PCDHGA2: variants seen among roughly 807,000 people sequenced by gnomAD.
The protein encoded by PCDHGA2 is protocadherin gamma subfamily A, 2.
A neutral mutation model predicts 59.2 loss-of-function variants in PCDHGA2; 40 were observed. The observed-to-expected ratio is 0.68, with a 90% CI of 0.52 to 0.88. PCDHGA2 has a LOEUF of 0.88. PCDHGA2 is among the 40% of genes least tolerant of loss of function. The probability of loss-of-function intolerance (pLI) is 0.00; values close to 1 mark genes in which losing one functional copy is unlikely to be tolerated. For synonymous variants in PCDHGA2, 560 were observed against 526.0 expected (o/e 1.06, Z -0.89); for missense variants, 1,226 against 1,204.0 (o/e 1.02, Z -0.27).
intron 1 of PCDHGA2, chr5:141,411,189 T>G (rs1222862554): frequency 6.6e-6 from 1 of 152,208 alleles, no homozygotes; most frequent in Non-Finnish European, 1.5e-5. Context: ...TCTTGGCATC[T>G]AAGAAAACAA....
At chr5:141,421,675 G>A in intron 1 of PCDHGA2, 2 of 1,613,910 alleles carry the variant, frequency 1.2e-6, no homozygotes, top group Non-Finnish European at 1.7e-6. Context: ...CGCAATTCCT[G>A]GGGCGCGATT....
intron 1 of PCDHGA2, chr5:141,371,894 G>C (rs1346040727): frequency 2.5e-6 from 4 of 1,613,426 alleles, no homozygotes; most frequent in Non-Finnish European, 3.4e-6. Flanking sequence ...AGCCGCGGGA[G>C]CTGTCGTCCT....
At chr5:141,400,089 C>T (rs200160561) in intron 1 of PCDHGA2, 568 of 1,613,960 alleles carry the variant, frequency 3.5e-4, no homozygotes, top group Non-Finnish European at 4.6e-4. Flanking sequence ...CCGCCACCGC[C>T]ACGCTGCACT....
At chr5:141,409,988 GCCGACT>G in intron 1 of PCDHGA2, 1 of 1,613,278 alleles carries the variant, frequency 6.2e-7, no homozygotes, top group East Asian at 2.2e-5. Context: ...AGCGGTGGAC[GCCGACT>G]CGGGACACAA....
chr5:141,470,021 C>T (rs111919483), intron 1 of PCDHGA2, among the ~76,000 whole-genome samples: 8 of 152,156 alleles, frequency 5.3e-5, no homozygotes, highest in African/African-American at 1.9e-4. Flanking sequence ...CCCAGCTACT[C>T]GGGATGCTGA....
intron 3 of PCDHGA2, 87 bp from the exon 4 acceptor site, chr5:141,510,854 TGTATAG>T: frequency 6.2e-7 from 1 of 1,602,320 alleles, no homozygotes; most frequent in Non-Finnish European, 8.5e-7. Flanking sequence ...CCCAGGGTGC[TGTATAG>T]GCATTCATTA....
At chr5:141,345,430 C>T (rs1187781707) in intron 1 of PCDHGA2, 2 of 1,614,044 alleles carry the variant, frequency 1.2e-6, no homozygotes, top group Non-Finnish European at 1.7e-6. Flanking sequence ...GAAAACAACC[C>T]CAGAGGAGCC....
intron 1 of PCDHGA2, chr5:141,356,934 AC>A (rs1375137728): frequency 1.2e-6 from 2 of 1,613,894 alleles, no homozygotes; most frequent in African/African-American, 2.7e-5. Context: ...TGGAGCTGGC[AC>A]CCCGCTCCGC....
chr5:141,510,847 AG>A, intron 3 of PCDHGA2, 99 bp from the exon 4 acceptor site: 3 of 1,595,350 alleles, frequency 1.9e-6, no homozygotes, highest in Non-Finnish European at 2.6e-6. Context: ...GTCAAGGCCC[AG>A]GGTGCTGTAT....
At chr5:141,417,117 C>A (rs1199474234) in intron 1 of PCDHGA2, 3 of 151,748 alleles carry the variant, frequency 2.0e-5, no homozygotes, top group Non-Finnish European at 4.4e-5. Context: ...TACAGGACAC[C>A]CTGGATGATG....
At chr5:141,346,347 C>T (rs1757738050) in intron 1 of PCDHGA2, 1 of 1,614,138 alleles carries the variant, frequency 6.2e-7, no homozygotes, top group Admixed American at 1.7e-5. Context: ...GATTTTCCCC[C>T]AGCCCAACTA....
intron 2 of PCDHGA2, among the ~76,000 whole-genome samples, chr5:141,497,483 C>T (rs1039341023): frequency 6.6e-6 from 1 of 150,378 alleles, no homozygotes; most frequent in Non-Finnish European, 1.5e-5. Context: ...AGGTGCGGAA[C>T]CTCTCTCTCT....
At position 141,339,671 on chromosome 5, in the gene PCDHGA2, G is replaced by A. The variant is rs1343893770; in HGVS notation, c.700G>A (p.Asp234Asn). The A allele has an allele frequency of 6.2e-7, 1 of 1,614,062 alleles. No homozygotes were observed. Residue 234 changes from aspartate to asparagine, a missense_variant, in exon 1 of 4, where the codon GAT becomes AAT. Asp to Asn is a conservative substitution (Grantham distance 23). Coordinates refer to ENST00000394576, the MANE Select transcript of PCDHGA2 (RefSeq NM_018915.4). ...GTSRICVKVLDANDNAPVFTQ... is the reference protein window; with the variant it reads ...GTSRICVKVLNANDNAPVFTQ... ...CTCCCGCATCTGCGTGAAGGTCCTG[G>A]ATGCGAACGACAATGCGCCTGTTTT...
At position 141,477,550 on chromosome 5, in the gene PCDHGA2, C is replaced by T. The variant is rs1262360790; in HGVS notation, c.2425-17257C>T. The T allele has an allele frequency of 4.3e-6, 7 of 1,614,178 alleles. No homozygotes were observed. The highest frequency in any genetic ancestry group is 5.9e-6 in the Non-Finnish European group (7 of 1,180,036). On this transcript the variant is annotated intron_variant, in intron 1 of 3. Transcript: ENST00000394576. This position sits in a 1 kb window ranked among gnomAD's most constrained non-coding sequence, Gnocchi z 4.9. ...ACCTCCCCGGGGCTCCAATACTAAACCTAAGTGTCTGGGACCCCGACGCCC... is the reference window on the plus strand; with the variant it reads ...ACCTCCCCGGGGCTCCAATACTAAATCTAAGTGTCTGGGACCCCGACGCCC...
Position 141,486,886 on chromosome 5 carries a change from G to A in PCDHGA2, c.2425-7921G>A. The A allele has an allele frequency of 1.9e-6, 3 of 1,614,222 alleles. No individual in the cohort carries two copies. The highest frequency in any genetic ancestry group is 2.5e-6 in the Non-Finnish European group (3 of 1,180,044). ...CAGCTGTGCTCCGTCCTCGGGCCCGGCCTGGTTCCTTATGTCCCCAAGCAC... is the reference window on the plus strand; with the variant it reads ...CAGCTGTGCTCCGTCCTCGGGCCCGACCTGGTTCCTTATGTCCCCAAGCAC... On this transcript the variant is annotated intron_variant, in intron 1 of 3. Coordinates refer to ENST00000394576, the MANE Select transcript of PCDHGA2 (RefSeq NM_018915.4). This position sits in a 1 kb window ranked among gnomAD's most constrained non-coding sequence, Gnocchi z 5.0.
intron 1 of PCDHGA2, among the ~76,000 whole-genome samples, chr5:141,458,339 T>A (rs1380637284): frequency 2.0e-5 from 3 of 150,846 alleles, no homozygotes; most frequent in Non-Finnish European, 3.0e-5. Context: ...TTTTAAGGAG[T>A]GGAGAGTTTA....
rs567522277 is a variant in PCDHGA2, at chr5:141,485,131, A to G, written c.2425-9676A>G. 1.3e-6 allele frequency: 2 copies of G among 1,482,660 alleles called. No individual in the cohort carries two copies. The highest frequency in any genetic ancestry group is 1.2e-5 in the South Asian group (1 of 83,730). 91.8% of individuals were successfully genotyped at this position (1,482,660 alleles called of 1,614,324 possible). ...TGGCTGTTTGGGGCGGGTCGGCTTC[A>G]TCCGCGTCTCAGGAGCAAGTAGAGA... On this transcript the variant is annotated intron_variant, in intron 1 of 3. Transcript: ENST00000394576. The surrounding 1 kb of genome is among the most constrained non-coding windows in gnomAD (Gnocchi z 5.7).
At chr5:141,393,504 A>G (rs369406530) in intron 1 of PCDHGA2, 1 of 1,614,036 alleles carries the variant, frequency 6.2e-7, no homozygotes, top group African/African-American at 1.3e-5. Flanking sequence ...CATCCACGTG[A>G]CAGTGTTGGA....
At chr5:141,389,172 C>G (rs1276294939) in intron 1 of PCDHGA2, 1 of 1,614,036 alleles carries the variant, frequency 6.2e-7, no homozygotes, top group Non-Finnish European at 8.5e-7. Flanking sequence ...CAAGCCTCCC[C>G]TCTCCTCCAG....
Sources: allele counts gnomAD v4.1 joint callset (sites outside exome capture counted in the v4.1 genomes callset), GRCh38; gene constraint gnomAD v4.1.1; non-coding constraint Gnocchi (gnomAD v3.1); transcripts MANE v1.5; gene names NCBI Gene and HGNC (gene_info 2026-07-23, HGNC 2026-07-21).